XKR9: variants seen among roughly 807,000 people sequenced by gnomAD.
XKR9 encodes XK-related protein 9.
A neutral mutation model predicts 32.0 loss-of-function variants in XKR9; 32 were observed. The ratio of observed to expected loss-of-function variants is 1.00; its 90% CI spans 0.76 to 1.34. XKR9 has a LOEUF of 1.34. Ranked by LOEUF, XKR9 falls within the 40% of genes most tolerant of loss-of-function variation. The pLI, the probability that XKR9 is intolerant of heterozygous loss-of-function variation, is 0.00. For synonymous variants in XKR9, 168 were observed against 143.4 expected, an observed-to-expected ratio of 1.17 and a Z score of -1.22; for missense variants, 546 against 429.7, an observed-to-expected ratio of 1.27 and a Z score of -2.39.
intron 2 of XKR9, among the ~76,000 whole-genome samples, chr8:70,745,676 A>C (rs948845328): frequency 2.0e-5 from 3 of 152,178 alleles, no homozygotes; most frequent in Non-Finnish European, 4.4e-5. Context: ...ATCAGTTAAT[A>C]ATTAGTTTCA....
intron 2 of XKR9, among the ~76,000 whole-genome samples, chr8:70,676,093 G>C (rs751431171): frequency 8.5e-5 from 13 of 152,178 alleles, no homozygotes; most frequent in Admixed American, 3.9e-4. Context: ...GCCAGAATCT[G>C]CTTTTGGGGA....
chr8:70,812,523 G>A, the XKR9 span, among the ~76,000 whole-genome samples: 5 of 152,194 alleles, frequency 3.3e-5, no homozygotes, highest in Non-Finnish European at 5.9e-5. Flanking sequence ...CAGATGACAT[G>A]ATTGTATATC....
At chr8:70,714,863 TAATAAG>T (rs1431565627) in intron 4 of XKR9, among the ~76,000 whole-genome samples, 5 of 152,084 alleles carry the variant, frequency 3.3e-5, no homozygotes, top group African/African-American at 1.2e-4. Context: ...AGTAAAGAAT[TAATAAG>T]AATAATGTGA....
intron 2 of XKR9, among the ~76,000 whole-genome samples, chr8:70,787,584 A>G (rs914149867): frequency 1.3e-5 from 2 of 152,112 alleles, no homozygotes; most frequent in African/African-American, 4.8e-5. Flanking sequence ...GCAAGAAGAT[A>G]AACTTACGTA....
rs1806828104 is a variant in XKR9 at position 70,735,274 on chromosome 8, C to A, written c.*850C>A. 2.0e-5 allele frequency: 3 copies of A among 151,950 alleles called. No homozygotes were observed. In the South Asian group the frequency reaches 6.2e-4, roughly 32 times the overall value. 9.4% of individuals were successfully genotyped at this position (151,950 alleles called of 1,614,324 possible). ...CCCCATTTCCTCCTTCCCCAAGTCT[C>A]TCTCAACTGAAATTATAATTTTTTG... On this transcript the variant is annotated 3_prime_UTR_variant, in exon 5 of 5. Transcript: ENST00000408926.
chr8:70,854,018 T>A, the XKR9 span, among the ~76,000 whole-genome samples: 1 of 151,790 alleles, frequency 6.6e-6, no homozygotes, highest in African/African-American at 2.4e-5. Flanking sequence ...AGCAGCATGA[T>A]TTATAATCTT....
At chr8:71,031,596 A>G in the XKR9 span, among the ~76,000 whole-genome samples, 1 of 152,336 alleles carries the variant, frequency 6.6e-6, no homozygotes, top group African/African-American at 2.4e-5. Context: ...CACATATTAG[A>G]CATTAGTAAG....
At chr8:70,884,085 G>A in the XKR9 span, among the ~76,000 whole-genome samples, 11 of 152,234 alleles carry the variant, frequency 7.2e-5, no homozygotes, top group African/African-American at 2.4e-4. Context: ...TATTCTAATA[G>A]GGGTGTAGTG....
At chr8:71,041,130 A>T in the XKR9 span, among the ~76,000 whole-genome samples, 16 of 152,300 alleles carry the variant, frequency 1.1e-4, no homozygotes, top group Non-Finnish European at 2.1e-4. Context: ...GTGTAAAGAA[A>T]AAGGTTTGAA....
the XKR9 span, among the ~76,000 whole-genome samples, chr8:70,894,783 T>C: frequency 2.6e-5 from 4 of 152,136 alleles, no homozygotes; most frequent in South Asian, 8.3e-4. Flanking sequence ...CTTGGGTAGG[T>C]GAAACGACTC....
At chr8:70,697,108 A>G (rs1223546763) in intron 3 of XKR9, among the ~76,000 whole-genome samples, 1 of 150,844 alleles carries the variant, frequency 6.6e-6, no homozygotes, top group Non-Finnish European at 1.5e-5. Flanking sequence ...TTTTCTAGAT[A>G]TACAATCATG....
chr8:71,051,733 G>A, the XKR9 span, among the ~76,000 whole-genome samples: 1 of 152,150 alleles, frequency 6.6e-6, no homozygotes, highest in East Asian at 1.9e-4. Flanking sequence ...GATTACAAAG[G>A]CGATAATAGA....
At chr8:70,804,627 C>T in the XKR9 span, among the ~76,000 whole-genome samples, 18 of 151,960 alleles carry the variant, frequency 1.2e-4, no homozygotes, top group South Asian at 1.0e-3. Flanking sequence ...TAACACAGGG[C>T]GAAAAAATTA....
chr8:70,940,965 T>A, the XKR9 span, among the ~76,000 whole-genome samples: 2 of 152,244 alleles, frequency 1.3e-5, no homozygotes, highest in African/African-American at 2.4e-5. Context: ...CAAACTTTTT[T>A]ATTATTATTT....
intron 4 of XKR9, among the ~76,000 whole-genome samples, chr8:70,730,612 G>A (rs34638491): frequency 0.1 from 15,721 of 151,982 alleles, 920 homozygotes; most frequent in African/African-American, 0.15. Flanking sequence ...ATCTCCCCAA[G>A]GGTAGTTCAG....
chr8:70,904,833 C>T, the XKR9 span, among the ~76,000 whole-genome samples: 11 of 152,228 alleles, frequency 7.2e-5, no homozygotes, highest in South Asian at 4.1e-4. Flanking sequence ...CAAAATCTCT[C>T]GGCAGTTATT....
the XKR9 span, among the ~76,000 whole-genome samples, chr8:71,052,687 G>C: frequency 6.6e-6 from 1 of 152,198 alleles, no homozygotes; most frequent in Non-Finnish European, 1.5e-5. Flanking sequence ...GGCATGCATA[G>C]TGCTGGCTGG....
Position 70,680,899 on chromosome 8 carries a change from G to T in XKR9, c.-160G>T, listed in dbSNP as rs2132110177. 1 of 630,292 alleles carries T rather than the reference G, an allele frequency of 1.6e-6. No homozygotes were observed. Among genetic ancestry groups the T allele is most frequent in the East Asian group, 2.9e-5 (1 of 34,466 alleles). The allele number at this position is 630,292 out of a possible 1,614,324, so 39.0% of individuals were successfully genotyped here. A position where few individuals can be genotyped will look rare whatever the true frequency, so the allele number is the denominator to read the frequency against. On this transcript the variant is annotated 5_prime_UTR_variant, in exon 3 of 5. Transcript: ENST00000408926. Reference sequence around the variant, plus strand: ...CAAAATTAGTCACTTTAGTGTTAGTGTTCCCATTTCATAATATTTATTCTT... The same window carrying T: ...CAAAATTAGTCACTTTAGTGTTAGTTTTCCCATTTCATAATATTTATTCTT...
Position 70,686,873 on chromosome 8 carries a change from T to G in XKR9, c.272+5543T>G, listed in dbSNP as rs1203770269. On this transcript the variant is annotated intron_variant, in intron 3 of 4. Transcript: ENST00000408926. ...TATATTTATGGAGTACATGTAATGT[T>G]TTGATAGACATATATAATGTATGAT... 5.3e-5 allele frequency among the ~76,000 whole-genome samples: 8 copies of G among 152,198 alleles called. No individual in the cohort carries two copies. In the East Asian group the frequency reaches 1.5e-3, roughly 29 times the overall value.
Sources: gnomAD v4.1 joint callset for allele counts (sites outside exome capture counted in the v4.1 genomes callset) on GRCh38, gnomAD v4.1.1 for gene constraint, MANE v1.5 for transcripts, NCBI Gene and HGNC (gene_info 2026-07-23, HGNC 2026-07-21) for gene names.